PLPPR1: variants seen among roughly 807,000 people sequenced by gnomAD.
PLPPR1 encodes the protein phospholipid phosphatase-related protein type 1.
In PLPPR1, 10 loss-of-function variants were observed where a neutral mutation model predicts 33.1. That is an observed-to-expected ratio of 0.30 (90% CI 0.19 to 0.51). The LOEUF (loss-of-function observed/expected upper bound fraction) is 0.51, where lower values mean the gene tolerates loss of function less well. Among genes scored for constraint, PLPPR1 ranks in the 20% least tolerant of loss-of-function variants. The probability of loss-of-function intolerance (pLI) is 0.97; values close to 1 mark genes in which losing one functional copy is unlikely to be tolerated. For missense variants in PLPPR1, 304 were observed against 408.1 expected (o/e 0.74, Z 2.20); for synonymous variants, 151 against 151.0 (o/e 1.00, Z 0.00).
At chr9:101,080,649 C>T (rs1276835431) in intron 1 of PLPPR1, among the ~76,000 whole-genome samples, 2 of 152,178 alleles carry the variant, frequency 1.3e-5, no homozygotes, top group Non-Finnish European at 2.9e-5. Context: ...TTACAATCCC[C>T]AGAGAAATCT....
chr9:101,272,745 C>G (rs1170166420), intron 3 of PLPPR1, among the ~76,000 whole-genome samples: 1 of 152,106 alleles, frequency 6.6e-6, no homozygotes, highest in Non-Finnish European at 1.5e-5. Context: ...CAGCATTTTT[C>G]TCATATAAAA....
intron 2 of PLPPR1, among the ~76,000 whole-genome samples, chr9:101,210,798 C>T (rs1312569169): frequency 6.6e-6 from 1 of 152,162 alleles, no homozygotes; most frequent in Non-Finnish European, 1.5e-5. Context: ...GACGGAGTCT[C>T]GCTCTGTCGC....
chr9:101,110,074 C>G lies in PLPPR1; in HGVS notation c.-45-75376C>G, dbSNP rs573554798. On this transcript the variant is annotated intron_variant, in intron 1 of 7. Coordinates refer to ENST00000374874, the MANE Select transcript of PLPPR1 (RefSeq NM_207299.2). ...TGTTATTGTTTTAAATTATCATCTT[C>G]AAAAGCAATATAATATGTATGTAAA... 1.2e-4 allele frequency among the ~76,000 whole-genome samples: 17 copies of G among 146,976 alleles called. No individual in the cohort carries two copies. The East Asian group carries it at 2.9e-3, about 25-fold the overall frequency.
intron 2 of PLPPR1, among the ~76,000 whole-genome samples, chr9:101,219,006 G>A (rs1376903088): frequency 6.6e-6 from 1 of 152,094 alleles, no homozygotes; most frequent in Non-Finnish European, 1.5e-5. Flanking sequence ...TGTCCTTTAG[G>A]GAAATTGACT....
intron 1 of PLPPR1, among the ~76,000 whole-genome samples, chr9:101,101,675 G>C (rs1333279195): frequency 6.6e-6 from 1 of 152,138 alleles, no homozygotes; most frequent in Non-Finnish European, 1.5e-5. Flanking sequence ...AGATCCTTTA[G>C]ATATCAATGG....
chr9:101,140,150 A>G (rs1831430619), intron 1 of PLPPR1, among the ~76,000 whole-genome samples: 1 of 151,976 alleles, frequency 6.6e-6, no homozygotes, highest in Non-Finnish European at 1.5e-5. Flanking sequence ...ATCCCTCTCT[A>G]CTCCCCACTT....
intron 1 of PLPPR1, among the ~76,000 whole-genome samples, chr9:101,138,641 G>A (rs1831408053): frequency 6.6e-6 from 1 of 152,154 alleles, no homozygotes; most frequent in Non-Finnish European, 1.5e-5. Flanking sequence ...CACTAGCTGT[G>A]TGACCTCTGT....
chr9:101,316,165 G>A (rs544160893), intron 6 of PLPPR1, among the ~76,000 whole-genome samples: 15 of 152,124 alleles, frequency 9.9e-5, no homozygotes, highest in Admixed American at 2.0e-4. Context: ...CCTCGGGCGC[G>A]GTGGCTCACG....
At chr9:101,300,026 C>T (rs1481606255) in intron 4 of PLPPR1, among the ~76,000 whole-genome samples, 1 of 151,980 alleles carries the variant, frequency 6.6e-6, no homozygotes, top group Non-Finnish European at 1.5e-5. Context: ...ATTTCAAAGA[C>T]TTTTAAGAAG....
intron 4 of PLPPR1, among the ~76,000 whole-genome samples, chr9:101,293,707 G>A (rs1828563590): frequency 6.6e-6 from 1 of 151,934 alleles, no homozygotes; most frequent in Admixed American, 6.5e-5. Context: ...ATGACTACTG[G>A]GTACATAACG....
At chr9:101,043,539 G>A (rs988671674) in intron 1 of PLPPR1, among the ~76,000 whole-genome samples, 7 of 151,580 alleles carry the variant, frequency 4.6e-5, no homozygotes, top group South Asian at 2.1e-4. Context: ...TTATCCACTC[G>A]TTGACTGATG....
At chr9:101,294,322 C>CCAA (rs1828578148) in intron 4 of PLPPR1, among the ~76,000 whole-genome samples, 1 of 151,654 alleles carries the variant, frequency 6.6e-6, no homozygotes, top group South Asian at 2.1e-4. Context: ...AGCTTACCAA[C>CCAA]CAAAAAGAGT....
chr9:101,083,508 C>A (rs771919074), intron 1 of PLPPR1, among the ~76,000 whole-genome samples: 2 of 152,044 alleles, frequency 1.3e-5, no homozygotes, highest in Non-Finnish European at 2.9e-5. Context: ...GCAGGAGCCT[C>A]TTAAATAAAT....
At chr9:101,135,059 C>T (rs1420004513) in intron 1 of PLPPR1, among the ~76,000 whole-genome samples, 1 of 152,136 alleles carries the variant, frequency 6.6e-6, no homozygotes, top group Non-Finnish European at 1.5e-5. Context: ...GTTAGGTCCA[C>T]CTTATTAGTC....
chr9:101,281,446 T>C (rs1473372823), intron 3 of PLPPR1, among the ~76,000 whole-genome samples: 2 of 152,014 alleles, frequency 1.3e-5, no homozygotes, highest in African/African-American at 4.8e-5. Flanking sequence ...AGACCCAGAA[T>C]AGCCAAAGCT....
intron 2 of PLPPR1, among the ~76,000 whole-genome samples, chr9:101,225,842 ATCCTT>A (rs1827056351): frequency 6.6e-6 from 1 of 151,066 alleles, no homozygotes; most frequent in Non-Finnish European, 1.5e-5. Flanking sequence ...AAAATGATAG[ATCCTT>A]TCCTATTTTA....
At chr9:101,198,308 G>C (rs1826434899) in intron 2 of PLPPR1, among the ~76,000 whole-genome samples, 1 of 152,054 alleles carries the variant, frequency 6.6e-6, no homozygotes, top group African/African-American at 2.4e-5. Flanking sequence ...GACTCTTAGA[G>C]CTACATGGGG....
At chr9:101,139,359 A>C (rs1277033432) in intron 1 of PLPPR1, among the ~76,000 whole-genome samples, 1 of 152,174 alleles carries the variant, frequency 6.6e-6, no homozygotes. Flanking sequence ...TTAAAGGAGA[A>C]AATGTCACCA....
rs573747575 is a variant in PLPPR1 at position 101,164,881 on chromosome 9, A to G, written c.-45-20569A>G. On this transcript the variant is annotated intron_variant, in intron 1 of 7. Coordinates refer to ENST00000374874, the MANE Select transcript of PLPPR1 (RefSeq NM_207299.2). ...TTCATTCATTTTCTTTCCAACATGA[A>G]TATTATGATTGACTATGCATTAATC... 2.0e-5 allele frequency among the ~76,000 whole-genome samples: 3 copies of G among 152,262 alleles called. No homozygotes were observed. The South Asian group carries it at 6.2e-4, about 32-fold the overall frequency.
Sources: gnomAD v4.1 joint callset for allele counts (sites outside exome capture counted in the v4.1 genomes callset) on GRCh38, gnomAD v4.1.1 for gene constraint, MANE v1.5 for transcripts, NCBI Gene and HGNC (gene_info 2026-07-23, HGNC 2026-07-21) for gene names.